The following CFTR variants were observed in gnomAD, a reference collection of about 807,000 sequenced individuals.
The protein encoded by CFTR is cystic fibrosis transmembrane conductance regulator.
CFTR carries 181 observed loss-of-function variants against 171.6 expected under a neutral mutation model. The observed-to-expected ratio is 1.05, with a 90% CI of 0.93 to 1.19. CFTR has a LOEUF of 1.19. Among genes scored for constraint, CFTR ranks in the 50% most tolerant of loss-of-function variants. The pLI, the probability that CFTR is intolerant of heterozygous loss-of-function variation, is 0.00. For synonymous variants in CFTR, 583 were observed against 608.0 expected (o/e 0.96, Z 0.60); for missense variants, 1,968 against 1,734.7 (o/e 1.13, Z -2.39).
At chr7:117,516,002 T>G (rs1261735242) in intron 3 of CFTR, among the ~76,000 whole-genome samples, 1 of 152,210 alleles carries the variant, frequency 6.6e-6, no homozygotes, top group Non-Finnish European at 1.5e-5. Context: ...TTTGTGAAAT[T>G]TTGGAACCAA....
chr7:117,504,216 A>T (rs991434230), intron 1 of CFTR, 37 bp from the exon 2 acceptor site: 1 of 1,245,266 alleles, frequency 8.0e-7, no homozygotes, highest in African/African-American at 1.5e-5. Flanking sequence ...TGGAGACCAA[A>T]TCAAGTGAAT....
At chr7:117,546,486 T>C (rs1019372560) in intron 9 of CFTR, among the ~76,000 whole-genome samples, 1 of 152,144 alleles carries the variant, frequency 6.6e-6, no homozygotes, top group Admixed American at 6.5e-5. Context: ...TAAATGTAAA[T>C]ATAAATATAA....
intron 16 of CFTR, 116 bp downstream of exon 16, chr7:117,602,979 A>G (rs932737686): frequency 2.0e-6 from 2 of 1,006,704 alleles, no homozygotes; most frequent in Non-Finnish European, 3.2e-6. Context: ...CCCAAGCATT[A>G]TGGTAGTGGA....
rs1462418106 is a variant in CFTR at position 117,590,472 on chromosome 7, C to A, written c.1766+33C>A. ...CTTTGAATACCTTACTTATAATGCT[C>A]ATGCTAAAATAAAAGAAAGACAGAC... is the stretch of plus-strand genomic sequence containing the variant. On this transcript the variant is annotated intron_variant, in intron 13 of 26. Coordinates refer to ENST00000003084, the MANE Select transcript of CFTR (RefSeq NM_000492.4). 15 of 1,584,642 alleles carry A rather than the reference C, an allele frequency of 9.5e-6. No individual in the cohort carries two copies. Among genetic ancestry groups the A allele is most frequent in the Non-Finnish European group, 1.3e-5 (15 of 1,161,378 alleles).
chr7:117,605,481 G>A (rs1792287290), intron 17 of CFTR, among the ~76,000 whole-genome samples: 1 of 152,082 alleles, frequency 6.6e-6, no homozygotes, highest in African/African-American at 2.4e-5. Context: ...TAGAAAAAGA[G>A]TTATGATATG....
chr7:117,657,008 A>G (rs909978455), intron 24 of CFTR, among the ~76,000 whole-genome samples: 6 of 152,188 alleles, frequency 3.9e-5, no homozygotes, highest in Admixed American at 3.9e-4. Context: ...CCCAACAAAC[A>G]CAGGCGCTTT....
rs193028429 is a variant in CFTR at position 117,666,024 on chromosome 7, A to T, written c.4242+460A>T. 7.9e-5 allele frequency among the ~76,000 whole-genome samples: 12 copies of T among 152,286 alleles called. No individual in the cohort carries two copies. In the East Asian group the frequency reaches 2.3e-3, roughly 29 times the overall value. On this transcript the variant is annotated intron_variant, in intron 26 of 26. Coordinates refer to ENST00000003084, the MANE Select transcript of CFTR (RefSeq NM_000492.4). ...ATTTTTCTAGCCATGATTTGGGTTCAGGTAGTACCTTTCTCAACCACCTTC... is the reference window on the plus strand; with the variant it reads ...ATTTTTCTAGCCATGATTTGGGTTCTGGTAGTACCTTTCTCAACCACCTTC...
intron 22 of CFTR, among the ~76,000 whole-genome samples, chr7:117,632,258 C>T (rs1046816982): frequency 7.2e-5 from 11 of 152,202 alleles, no homozygotes; most frequent in African/African-American, 2.6e-4. Flanking sequence ...CATGAAAGCC[C>T]TCCCTTGTTT....
chr7:117,648,003 A>AGT (rs754535471), intron 23 of CFTR, among the ~76,000 whole-genome samples: 3,588 of 145,848 alleles, frequency 0.025, 124 homozygotes, highest in African/African-American at 0.074. Context: ...CTATACACGG[A>AGT]GTGTGTGTGT....
rs762372419 is a variant in CFTR at position 117,480,178 on chromosome 7, GAC to G, written c.53+34_53+35del. 23 of 1,611,136 alleles carry G rather than the reference GAC, an allele frequency of 1.4e-5. No homozygotes were observed. The African/African-American group carries it at 2.4e-4, about 17-fold the overall frequency. ...AAGGTGGCCAACCGAGCTTCGGAAA[GAC>G]ACGTGCCCACGAAAGAGGAGGGCGT... On this transcript the variant is annotated intron_variant, in intron 1 of 26. Coordinates refer to ENST00000003084, the MANE Select transcript of CFTR (RefSeq NM_000492.4).
chr7:117,523,135 A>G (rs1036056464), intron 3 of CFTR, among the ~76,000 whole-genome samples: 1 of 152,078 alleles, frequency 6.6e-6, no homozygotes, highest in Admixed American at 6.5e-5. Flanking sequence ...AAGGATGACT[A>G]TGTCCTCTTC....
At chr7:117,666,866 C>T in intron 26 of CFTR, 42 bp from the exon 27 acceptor site, 3 of 1,577,456 alleles carry the variant, frequency 1.9e-6, no homozygotes, top group Non-Finnish European at 2.6e-6. Context: ...TCTGGTCTGA[C>T]CTGCCTTCTG....
At chr7:117,576,076 G>A (rs1486420393) in intron 11 of CFTR, among the ~76,000 whole-genome samples, 1 of 152,066 alleles carries the variant, frequency 6.6e-6, no homozygotes, top group Non-Finnish European at 1.5e-5. Context: ...TGTATATTGT[G>A]TAAGTTAAGA....
chr7:117,502,762 A>G (rs1690675953), intron 1 of CFTR, among the ~76,000 whole-genome samples: 1 of 152,222 alleles, frequency 6.6e-6, no homozygotes, highest in African/African-American at 2.4e-5. Context: ...AGACTGGGCA[A>G]TGAAGGGTAA....
chr7:117,501,874 A>G (rs1798338661), intron 1 of CFTR, among the ~76,000 whole-genome samples: 1 of 149,680 alleles, frequency 6.7e-6, no homozygotes, highest in Non-Finnish European at 1.5e-5. Context: ...TATTAACGTT[A>G]TTTGCCTTCA....
intron 21 of CFTR, among the ~76,000 whole-genome samples, chr7:117,623,819 G>A (rs1335538304): frequency 6.6e-6 from 1 of 152,156 alleles, no homozygotes; most frequent in Non-Finnish European, 1.5e-5. Context: ...GGGGAGGGAT[G>A]TTTTGAACTG....
At chr7:117,648,003 AGTGT>A (rs754535471) in intron 23 of CFTR, among the ~76,000 whole-genome samples, 26 of 145,830 alleles carry the variant, frequency 1.8e-4, no homozygotes, top group African/African-American at 5.8e-4. Flanking sequence ...CTATACACGG[AGTGT>A]GTGTGTGTGT....
chr7:117,508,952 A>G, intron 2 of CFTR, 82 bp from the exon 3 acceptor site: 1 of 889,980 alleles, frequency 1.1e-6, no homozygotes, highest in Non-Finnish European at 1.9e-6. Context: ...TACTTGTGTG[A>G]ATCAAACTAT....
intron 1 of CFTR, among the ~76,000 whole-genome samples, chr7:117,498,222 T>TA (rs1433746409): frequency 6.6e-6 from 1 of 152,130 alleles, no homozygotes. Context: ...GGTGTTTACC[T>TA]ACCTAGAGAA....
Sources: allele counts gnomAD v4.1 joint callset (sites outside exome capture counted in the v4.1 genomes callset), GRCh38; gene constraint gnomAD v4.1.1; transcripts MANE v1.5; gene names NCBI Gene and HGNC (gene_info 2026-07-23, HGNC 2026-07-21).